The following NDUFA10 variants were observed in gnomAD, a reference collection of about 807,000 sequenced individuals.
The protein encoded by NDUFA10 is NADH dehydrogenase [ubiquinone] 1 alpha subcomplex subunit 10, mitochondrial.
In NDUFA10, 40 loss-of-function variants were observed where a neutral mutation model predicts 47.8. The ratio of observed to expected loss-of-function variants is 0.84; its 90% CI spans 0.65 to 1.09. NDUFA10 has a LOEUF of 1.09. Among genes scored for constraint, NDUFA10 ranks in the 50% least tolerant of loss-of-function variants. NDUFA10 has a pLI of 0.00. For missense variants in NDUFA10, 413 were observed against 451.1 expected (o/e 0.92, Z 0.76); for synonymous variants, 183 against 172.2 (o/e 1.06, Z -0.49).
chr2:239,961,195 G>C lies in NDUFA10; in HGVS notation c.1000-9C>G, dbSNP rs762927066. The C allele has an allele frequency of 3.2e-6, 5 of 1,573,454 alleles. No individual in the cohort carries two copies. The highest frequency in any genetic ancestry group is 1.7e-5 in the Admixed American group (1 of 58,366). ...TACTTGCGGCCCGGCAGCTGTGGGG[G>C]AAAAAGGCATTGGTGCATTCTGTTT... is the stretch of plus-strand genomic sequence containing the variant. On this transcript the variant is annotated splice_polypyrimidine_tract_variant and intron_variant, in intron 9 of 9. Transcript: ENST00000252711.
At chr2:239,923,744 AAG>A (rs1190603700) in intron 4 of NDUFA10, among the ~76,000 whole-genome samples, 4 of 152,116 alleles carry the variant, frequency 2.6e-5, no homozygotes, top group African/African-American at 9.7e-5. Context: ...AAAAAAGAAA[AAG>A]AAAATTAAAA....
intron 8 of NDUFA10, among the ~76,000 whole-genome samples, chr2:239,991,954 T>C (rs1026224770): frequency 6.6e-6 from 1 of 152,214 alleles, no homozygotes. Flanking sequence ...TTTTAACAAG[T>C]AGGCTTCAAA....
chr2:239,942,639 G>A (rs560969543), intron 4 of NDUFA10, among the ~76,000 whole-genome samples: 2 of 151,160 alleles, frequency 1.3e-5, no homozygotes, highest in South Asian at 2.1e-4. Context: ...TTCTGTTCAC[G>A]AGCTGTGCGT....
chr2:239,939,856 G>A (rs10933601), intron 4 of NDUFA10, among the ~76,000 whole-genome samples: 1 of 152,092 alleles, frequency 6.6e-6, no homozygotes, highest in Non-Finnish European at 1.5e-5. Context: ...GGGCCACATG[G>A]CCCCTCCTGG....
chr2:239,972,694 A>G (rs1004844113), intron 9 of NDUFA10, among the ~76,000 whole-genome samples: 1 of 152,198 alleles, frequency 6.6e-6, no homozygotes, highest in Non-Finnish European at 1.5e-5. Context: ...TTAACACATA[A>G]AACTATAGCT....
intron 5 of NDUFA10, among the ~76,000 whole-genome samples, chr2:239,892,944 A>T (rs1693320786): frequency 6.6e-6 from 1 of 152,196 alleles, no homozygotes; most frequent in Admixed American, 6.5e-5. Context: ...AGCAACGGTG[A>T]GGCTGTTAGC....
intron 4 of NDUFA10, among the ~76,000 whole-genome samples, chr2:239,899,174 A>G (rs182508190): frequency 8.6e-3 from 19 of 2,214 alleles, no homozygotes; most frequent in African/African-American, 0.03. Flanking sequence ...GGAGGGGTGT[A>G]AAGGAGGGGT....
In NDUFA10 at chr2:239,906,846, T is replaced by C. The variant is rs1574768890; in HGVS notation, c.295-11532A>G. 2.0e-5 allele frequency among the ~76,000 whole-genome samples: 3 copies of C among 152,182 alleles called. 1 individual carries two copies. In the South Asian group the frequency reaches 6.2e-4, roughly 31 times the overall value. On this transcript the variant is annotated intron_variant, in intron 4 of 5. Coordinates refer to the NDUFA10 transcript ENST00000419408. This position sits in a 1 kb window ranked among gnomAD's most constrained non-coding sequence, Gnocchi z 4.3. ...TGGCCATACTGCACAAGGTAATTTATAGATTCAATGCCATCCCCACCAAGC... is the reference window on the plus strand; with the variant it reads ...TGGCCATACTGCACAAGGTAATTTACAGATTCAATGCCATCCCCACCAAGC...
rs1693649336 is a variant in NDUFA10 at position 239,906,040 on chromosome 2, G to C, written c.295-10726C>G. Among the ~76,000 whole-genome samples, 1 of 152,128 alleles carries C rather than the reference G, an allele frequency of 6.6e-6. No homozygotes were observed. The highest frequency in any genetic ancestry group is 1.5e-5 in the Non-Finnish European group (1 of 68,016). On this transcript the variant is annotated intron_variant, in intron 4 of 5. Transcript: ENST00000419408. The surrounding 1 kb of genome is among the most constrained non-coding windows in gnomAD (Gnocchi z 4.3). ...TCAGAATTCCCCTAAGGAATTCCTG[G>C]AGCCCTGAGGGGTGATACCTCCAAG...
In NDUFA10 at chr2:239,958,252, G is replaced by C. The variant is rs867707412; in HGVS notation, c.*2866C>G. The C allele has an allele frequency of 6.6e-6, 1 of 152,146 alleles. No homozygotes were observed. Among genetic ancestry groups the C allele is most frequent in the Non-Finnish European group, 1.5e-5 (1 of 68,032 alleles). 9.4% of individuals were successfully genotyped at this position (152,146 alleles called of 1,614,324 possible). ...GCAGATTTATATCCAGTGTGAGCAC[G>C]GACTATGCTTCTTCCCAGAAAGTAG... On this transcript the variant is annotated 3_prime_UTR_variant, in exon 10 of 10. Transcript: ENST00000252711.
At chr2:239,899,929 TAA>T (rs72305284) in intron 4 of NDUFA10, among the ~76,000 whole-genome samples, 20,772 of 151,604 alleles carry the variant, frequency 0.14, 1,458 homozygotes, top group South Asian at 0.18. Context: ...CCACCCATCT[TAA>T]AAAGTCACTA....
chr2:239,905,716 A>G (rs1693640471), intron 4 of NDUFA10, among the ~76,000 whole-genome samples: 1 of 151,566 alleles, frequency 6.6e-6, no homozygotes, highest in South Asian at 2.1e-4. Flanking sequence ...GAGGAAAGGT[A>G]GGCCCAGGAC....
intron 4 of NDUFA10, among the ~76,000 whole-genome samples, chr2:239,905,822 A>G (rs1574768090): frequency 1.1e-5 from 1 of 91,258 alleles, no homozygotes; most frequent in Non-Finnish European, 2.1e-5. Flanking sequence ...AAGGGAGGGG[A>G]GCAGACTGGG....
At chr2:239,938,841 C>A (rs999046139) in intron 4 of NDUFA10, among the ~76,000 whole-genome samples, 1 of 150,490 alleles carries the variant, frequency 6.6e-6, no homozygotes, top group African/African-American at 2.4e-5. Flanking sequence ...CAGCGAGCAT[C>A]GGTGCACAAG....
intron 4 of NDUFA10, chr2:240,017,985 A>G: frequency 2.5e-6 from 3 of 1,197,136 alleles, no homozygotes; most frequent in Non-Finnish European, 3.6e-6. Flanking sequence ...AGTCACAGAC[A>G]CCCCAACCCC....
chr2:239,918,081 G>A (rs1200066357), intron 4 of NDUFA10, among the ~76,000 whole-genome samples: 1 of 152,216 alleles, frequency 6.6e-6, no homozygotes, highest in Non-Finnish European at 1.5e-5. Context: ...CTCAGGGGAA[G>A]GGCCTCTGTC....
At chr2:239,893,924 C>T (rs1372867959) in intron 5 of NDUFA10, among the ~76,000 whole-genome samples, 2 of 149,002 alleles carry the variant, frequency 1.3e-5, no homozygotes, top group African/African-American at 5.0e-5. Context: ...CTCCATCATC[C>T]CAATCTCATT....
At position 239,983,821 on chromosome 2, in the gene NDUFA10, G is replaced by GTA. The variant is rs1695891521; in HGVS notation, c.999+6251_999+6252dup. On this transcript the variant is annotated intron_variant, in intron 9 of 9. Coordinates refer to ENST00000252711, the MANE Select transcript of NDUFA10 (RefSeq NM_004544.4). ...TCTGAGAAAATGTTACAACCAAGAGGTACCTAAGGAGACATGAGGACCCAA... is the reference window on the plus strand; with the variant it reads ...TCTGAGAAAATGTTACAACCAAGAGGTATACCTAAGGAGACATGAGGACCCAA... 4.0e-6 allele frequency: 6 copies of GTA among 1,483,936 alleles called. No homozygotes were observed. In the Admixed American group the frequency reaches 1.4e-4, roughly 34 times the overall value. 91.9% of individuals were successfully genotyped at this position (1,483,936 alleles called of 1,614,324 possible). A position where few individuals can be genotyped will look rare whatever the true frequency, so the allele number is the denominator to read the frequency against.
chr2:239,949,596 C>T (rs749549659), intron 4 of NDUFA10, among the ~76,000 whole-genome samples: 4 of 152,158 alleles, frequency 2.6e-5, no homozygotes, highest in Non-Finnish European at 4.4e-5. Context: ...TGGGCTCAAG[C>T]AATCCTCCCA....
Sources: gnomAD v4.1 joint callset for allele counts (sites outside exome capture counted in the v4.1 genomes callset) on GRCh38, gnomAD v4.1.1 for gene constraint, Gnocchi (gnomAD v3.1) non-coding constraint, MANE v1.5 for transcripts, NCBI Gene and HGNC (gene_info 2026-07-23, HGNC 2026-07-21) for gene names.